CACNA2D3: variants seen among roughly 807,000 people sequenced by gnomAD.
CACNA2D3 encodes voltage-dependent calcium channel subunit alpha-2/delta-3.
A neutral mutation model predicts 160.6 loss-of-function variants in CACNA2D3; 60 were observed. The observed-to-expected ratio is 0.37, with a 90% confidence interval of 0.30 to 0.46. The LOEUF is 0.46. Ranked by LOEUF, CACNA2D3 falls within the 20% of genes least tolerant of loss-of-function variation. The pLI is 1.00. For missense variants in CACNA2D3, 1,205 were observed against 1,365.0 expected (o/e 0.88, Z 1.85); for synonymous variants, 558 against 492.9 (o/e 1.13, Z -1.75).
At chr3:54,464,597 C>A (rs1427521873) in intron 4 of CACNA2D3, among the ~76,000 whole-genome samples, 1 of 152,206 alleles carries the variant, frequency 6.6e-6, no homozygotes, top group African/African-American at 2.4e-5. Flanking sequence ...GATATAATCT[C>A]CTGGTGTGCC....
At chr3:54,421,734 A>T (rs1227206536) in intron 4 of CACNA2D3, among the ~76,000 whole-genome samples, 2 of 152,180 alleles carry the variant, frequency 1.3e-5, no homozygotes. Flanking sequence ...TAAGAATTTA[A>T]TGAATGCATA....
chr3:54,407,496 A>G (rs1699598106), intron 4 of CACNA2D3, among the ~76,000 whole-genome samples: 1 of 152,170 alleles, frequency 6.6e-6, no homozygotes, highest in South Asian at 2.1e-4. Context: ...GACTTGCCAC[A>G]TGTCATTTAT....
chr3:54,664,582 C>T (rs1438051019), intron 11 of CACNA2D3, among the ~76,000 whole-genome samples: 1 of 152,218 alleles, frequency 6.6e-6, no homozygotes, highest in Non-Finnish European at 1.5e-5. Context: ...GCAAATGAAA[C>T]CGCCTGGTTG....
intron 13 of CACNA2D3, among the ~76,000 whole-genome samples, chr3:54,775,053 ACC>A (rs1702401918): frequency 5.9e-5 from 9 of 152,152 alleles, no homozygotes; most frequent in Non-Finnish European, 2.9e-5. Flanking sequence ...ACATTTATAA[ACC>A]TTAATTTATT....
chr3:54,338,191 G>A (rs1279203970), intron 3 of CACNA2D3, among the ~76,000 whole-genome samples: 1 of 152,234 alleles, frequency 6.6e-6, no homozygotes, highest in Non-Finnish European at 1.5e-5. Flanking sequence ...GCGCACAAAG[G>A]CGCTGCAGTA....
At chr3:55,000,613 T>G (rs1702960879) in intron 31 of CACNA2D3, among the ~76,000 whole-genome samples, 1 of 152,216 alleles carries the variant, frequency 6.6e-6, no homozygotes, top group Non-Finnish European at 1.5e-5. Context: ...GCCTGGGGGC[T>G]GCCCCAGAGC....
At chr3:54,928,095 C>T (rs2106948845) in intron 27 of CACNA2D3, 2 of 597,530 alleles carry the variant, frequency 3.3e-6, no homozygotes, top group South Asian at 4.5e-5. Flanking sequence ...ATTTAAGCAG[C>T]CCTTCCCCTT....
intron 27 of CACNA2D3, among the ~76,000 whole-genome samples, chr3:54,960,987 C>T (rs1342829890): frequency 6.6e-6 from 1 of 152,166 alleles, no homozygotes; most frequent in African/African-American, 2.4e-5. Flanking sequence ...TTTTCCAAAC[C>T]CTGGGTTAAT....
chr3:54,301,859 T>A (rs1559915124), intron 2 of CACNA2D3, among the ~76,000 whole-genome samples: 1 of 152,230 alleles, frequency 6.6e-6, no homozygotes, highest in Non-Finnish European at 1.5e-5. Context: ...GTGACACCTA[T>A]GACTCAGGCA....
rs567146518 is a variant in CACNA2D3 at position 54,448,965 on chromosome 3, G to A, written c.382-54527G>A. ...AGATGAATCAAAAAATGAGTACTCT[G>A]GAACAATATAAGACTTTGTCTTGAA... is the stretch of plus-strand genomic sequence containing the variant. On this transcript the variant is annotated intron_variant, in intron 4 of 37. Transcript: ENST00000474759. Among the ~76,000 whole-genome samples, 17 of 152,296 alleles carry A rather than the reference G, an allele frequency of 1.1e-4. No homozygotes were observed. The South Asian group carries it at 3.5e-3, about 32-fold the overall frequency.
At position 54,992,455 on chromosome 3, in the gene CACNA2D3, C is replaced by A. The variant is rs537519931; in HGVS notation, c.2690+4702C>A. On this transcript the variant is annotated intron_variant, in intron 31 of 37. Transcript: ENST00000474759. ...CTCCCATTGTGACCACAGGGGAGAT[C>A]CCTGCAGGACACAATCAGCTGGCAC... 4.3e-4 allele frequency among the ~76,000 whole-genome samples: 66 copies of A among 152,212 alleles called. No individual in the cohort carries two copies. In the South Asian group the frequency reaches 0.013, roughly 31 times the overall value.
intron 10 of CACNA2D3, chr3:54,639,095 G>C (rs1026489144): frequency 1.3e-5 from 2 of 151,834 alleles, no homozygotes; most frequent in African/African-American, 4.9e-5. Flanking sequence ...ATTGGGGCGT[G>C]GAAATAAGGG....
At chr3:54,425,881 C>T (rs1699905257) in intron 4 of CACNA2D3, among the ~76,000 whole-genome samples, 1 of 152,242 alleles carries the variant, frequency 6.6e-6, no homozygotes, top group African/African-American at 2.4e-5. Flanking sequence ...TCTTGCTGCC[C>T]TTCCACAGAC....
intron 2 of CACNA2D3, among the ~76,000 whole-genome samples, chr3:54,194,664 G>A (rs989313049): frequency 1.3e-5 from 2 of 152,238 alleles, no homozygotes; most frequent in Admixed American, 1.3e-4. Context: ...GGAAGTCCAA[G>A]ATTAAGGCAC....
chr3:54,222,813 T>G (rs185141199), intron 2 of CACNA2D3, among the ~76,000 whole-genome samples: 1 of 150,302 alleles, frequency 6.7e-6, no homozygotes, highest in Admixed American at 6.6e-5. Context: ...GAGTCTCTGT[T>G]TGTGTTTTTT....
At chr3:54,520,728 C>T (rs1335134030) in intron 5 of CACNA2D3, among the ~76,000 whole-genome samples, 1 of 152,280 alleles carries the variant, frequency 6.6e-6, no homozygotes, top group South Asian at 2.1e-4. Context: ...TTTTCATCAC[C>T]GCACAAAGAA....
At chr3:54,681,905 A>G (rs1700358114) in intron 11 of CACNA2D3, among the ~76,000 whole-genome samples, 1 of 151,980 alleles carries the variant, frequency 6.6e-6, no homozygotes, top group African/African-American at 2.4e-5. Flanking sequence ...CTGGTTTCAA[A>G]CTTTTGGCCT....
chr3:55,043,371 T>C (rs544894960), intron 35 of CACNA2D3, among the ~76,000 whole-genome samples: 1 of 151,348 alleles, frequency 6.6e-6, no homozygotes, highest in African/African-American at 2.4e-5. Flanking sequence ...GGTACCATAG[T>C]GGCATCTCAT....
intron 34 of CACNA2D3, among the ~76,000 whole-genome samples, chr3:55,011,319 C>T (rs1703207287): frequency 6.6e-6 from 1 of 152,200 alleles, no homozygotes; most frequent in Non-Finnish European, 1.5e-5. Flanking sequence ...AATTTTGCTC[C>T]TCCCTGCTGG....
Sources: allele counts gnomAD v4.1 joint callset (sites outside exome capture counted in the v4.1 genomes callset), GRCh38; gene constraint gnomAD v4.1.1; transcripts MANE v1.5; gene names NCBI Gene and HGNC (gene_info 2026-07-23, HGNC 2026-07-21).